The following NEK4 variants were observed in gnomAD, a reference collection of about 807,000 sequenced individuals.
NEK4 encodes the protein NIMA related kinase 4.
NEK4 carries 86 observed loss-of-function variants against 98.4 expected under a neutral mutation model. The ratio of observed to expected loss-of-function variants is 0.87; its 90% CI spans 0.73 to 1.05. The LOEUF (loss-of-function observed/expected upper bound fraction) is 1.05. Ranked by LOEUF, NEK4 falls within the 50% of genes least tolerant of loss-of-function variation. The pLI is 0.00. For missense variants in NEK4, 898 were observed against 950.3 expected (o/e 0.94, Z 0.72); for synonymous variants, 328 against 342.2 (o/e 0.96, Z 0.46).
chr3:52,736,135 T>C (rs2097375476), intron 15 of NEK4, among the ~76,000 whole-genome samples: 1 of 152,234 alleles, frequency 6.6e-6, no homozygotes, highest in Non-Finnish European at 1.5e-5. Context: ...CTGTTATTAA[T>C]TGCCTTTAAA....
At chr3:52,747,928 C>T (rs927482610) in intron 8 of NEK4, among the ~76,000 whole-genome samples, 4 of 150,856 alleles carry the variant, frequency 2.7e-5, no homozygotes, top group African/African-American at 7.3e-5. Context: ...CTGGGTGACA[C>T]AGCAAGAGTG....
intron 15 of NEK4, among the ~76,000 whole-genome samples, chr3:52,729,681 CTGGGCGGCT>C (rs1488511053): frequency 6.9e-6 from 1 of 145,500 alleles, no homozygotes; most frequent in Non-Finnish European, 1.5e-5. Flanking sequence ...GCACTCTAGC[CTGGGCGGCT>C]GAGCAAGACT....
chr3:52,744,739 C>CA lies in NEK4; in HGVS notation c.1828-435dup, dbSNP rs113854356. Among the ~76,000 whole-genome samples, 1,017 of 135,894 alleles carry CA rather than the reference C, an allele frequency of 7.5e-3. 9 individuals are homozygous for CA. The highest frequency in any genetic ancestry group is 0.011 in the Non-Finnish European group (667 of 61,896). The allele number at this position is 135,894 out of a possible 152,430, so 89.2% of individuals were successfully genotyped here. On this transcript the variant is annotated intron_variant, in intron 10 of 15. Transcript: ENST00000233027. ...TCCAGCCTGGGTGACACAGCAAGAC[C>CA]AAAAAAAAAAAAGGTCTTGCGCTGG...
chr3:52,741,263 A>G (rs2097385570), intron 13 of NEK4, 148 bp downstream of exon 13: 1 of 465,094 alleles, frequency 2.2e-6, no homozygotes, highest in African/African-American at 2.1e-5. Context: ...AAAAAAGAAG[A>G]GACACTTTTA....
chr3:52,739,759 T>C (rs2097382710), intron 13 of NEK4, 125 bp from the exon 14 acceptor site: 4 of 725,460 alleles, frequency 5.5e-6, no homozygotes, highest in South Asian at 5.3e-5. Flanking sequence ...TCCTACAGAC[T>C]GACCTGACCC....
chr3:52,747,464 A>G (rs1044077349), intron 8 of NEK4: 1 of 152,022 alleles, frequency 6.6e-6, no homozygotes, highest in South Asian at 2.1e-4. Flanking sequence ...CAAAAAAAAA[A>G]AAAAAGAAAA....
At chr3:52,712,749 C>A (rs188744028) in intron 15 of NEK4, among the ~76,000 whole-genome samples, 1 of 152,174 alleles carries the variant, frequency 6.6e-6, no homozygotes. Context: ...TTCTGCTGGT[C>A]GATGGCCTGC....
chr3:52,766,758 G>A (rs1016065336), intron 2 of NEK4, among the ~76,000 whole-genome samples: 3 of 151,380 alleles, frequency 2.0e-5, no homozygotes, highest in African/African-American at 7.3e-5. Context: ...AGGCCGAGGC[G>A]GGTGGATCAT....
chr3:52,724,888 T>C (rs1243934954), intron 15 of NEK4, among the ~76,000 whole-genome samples: 1 of 152,186 alleles, frequency 6.6e-6, no homozygotes, highest in East Asian at 1.9e-4. Context: ...TCAAAACACA[T>C]TGTATACATA....
chr3:52,762,794 T>C (rs973948638), intron 5 of NEK4, among the ~76,000 whole-genome samples: 1 of 151,968 alleles, frequency 6.6e-6, no homozygotes, highest in Non-Finnish European at 1.5e-5. Context: ...GGCAGGAGAA[T>C]TGCTTGAACC....
At chr3:52,740,260 T>A (rs1301114783) in intron 13 of NEK4, among the ~76,000 whole-genome samples, 1 of 151,918 alleles carries the variant, frequency 6.6e-6, no homozygotes, top group African/African-American at 2.4e-5. Context: ...CTGATAGAAT[T>A]AATAAATGAG....
intron 15 of NEK4, among the ~76,000 whole-genome samples, chr3:52,726,344 A>G (rs1452824251): frequency 1.3e-5 from 2 of 152,210 alleles, no homozygotes; most frequent in Non-Finnish European, 2.9e-5. Flanking sequence ...CACGCCTATA[A>G]TCCCAGCACT....
At chr3:52,740,961 G>A (rs944145703) in intron 13 of NEK4, among the ~76,000 whole-genome samples, 10 of 151,742 alleles carry the variant, frequency 6.6e-5, no homozygotes, top group East Asian at 3.9e-4. Context: ...CAGGCGGGGC[G>A]TGGTGGCTCA....
chr3:52,723,525 A>G (rs1479885540), intron 15 of NEK4, among the ~76,000 whole-genome samples: 1 of 152,172 alleles, frequency 6.6e-6, no homozygotes, highest in African/African-American at 2.4e-5. Flanking sequence ...TACAGGCATG[A>G]GCCACCATGC....
At chr3:52,716,337 A>G (rs924342307) in intron 15 of NEK4, among the ~76,000 whole-genome samples, 1 of 152,230 alleles carries the variant, frequency 6.6e-6, no homozygotes, top group Non-Finnish European at 1.5e-5. Flanking sequence ...AACTGTCCAG[A>G]CTAAAAATTA....
chr3:52,726,968 CTTT>C (rs35173917), intron 15 of NEK4, among the ~76,000 whole-genome samples: 14 of 124,376 alleles, frequency 1.1e-4, no homozygotes, highest in Admixed American at 2.6e-4. Context: ...GCATCTAAAA[CTTT>C]TTTTTTTTTT....
chr3:52,763,637 A>T lies in NEK4; in HGVS notation c.667-13T>A. 6.4e-7 allele frequency: 1 copy of T among 1,570,306 alleles called. No homozygotes were observed. The highest frequency in any genetic ancestry group is 8.7e-7 in the Non-Finnish European group (1 of 1,155,858). On this transcript the variant is annotated splice_polypyrimidine_tract_variant and intron_variant, in intron 4 of 15. Coordinates refer to ENST00000233027, the MANE Select transcript of NEK4 (RefSeq NM_003157.6). ...GCATTGGTGGCAGCTACAAATAAAA[A>T]TAATATTGTAATTATGACTAATGGT...
At chr3:52,760,404 A>T (rs1201258597) in intron 6 of NEK4, among the ~76,000 whole-genome samples, 3 of 152,090 alleles carry the variant, frequency 2.0e-5, no homozygotes, top group Admixed American at 6.6e-5. Context: ...TTTAGTAGAG[A>T]TGAGGGTTCA....
chr3:52,754,149 G>T (rs1425386886), intron 6 of NEK4: 1 of 266,912 alleles, frequency 3.7e-6, no homozygotes, highest in African/African-American at 2.2e-5. Context: ...GAAACAGAGC[G>T]AGACTCCGTC....
Sources: gnomAD v4.1 joint callset for allele counts (sites outside exome capture counted in the v4.1 genomes callset) on GRCh38, gnomAD v4.1.1 for gene constraint, MANE v1.5 for transcripts, NCBI Gene and HGNC (gene_info 2026-07-23, HGNC 2026-07-21) for gene names.